C9: variants seen among roughly 807,000 people sequenced by gnomAD.
C9 encodes the protein complement component C9.
In C9, 63 loss-of-function variants were observed where a neutral mutation model predicts 65.4. The ratio of observed to expected loss-of-function variants is 0.96; its 90% confidence interval spans 0.79 to 1.19. The LOEUF (loss-of-function observed/expected upper bound fraction) is 1.19. Among genes scored for constraint, C9 ranks in the 50% most tolerant of loss-of-function variants. C9 has a pLI of 0.00. For synonymous variants in C9, 229 were observed against 227.9 expected, an observed-to-expected ratio of 1.00 and a Z score of -0.04; for missense variants, 744 against 670.1, an observed-to-expected ratio of 1.11 and a Z score of -1.22.
rs189922213 is a variant in C9 at position 39,328,343 on chromosome 5, C to T, written c.615+3333G>A. 6.3e-3 allele frequency among the ~76,000 whole-genome samples: 961 copies of T among 152,232 alleles called. 10 individuals are homozygous for T. Among genetic ancestry groups the T allele is most frequent in the African/African-American group, 0.021 (874 of 41,532 alleles). On this transcript the variant is annotated intron_variant, in intron 5 of 10. Coordinates refer to ENST00000263408, the MANE Select transcript of C9 (RefSeq NM_001737.5). The stretch of plus-strand genomic sequence containing the variant: ...AAGAGTAAGAGGCTTGAGGGTGTTG[C>T]TGAAAGATTGAGCCTGCTCATGTGA...
chr5:39,358,405 AAG>A (rs1338798827), intron 1 of C9, among the ~76,000 whole-genome samples: 6 of 152,168 alleles, frequency 3.9e-5, no homozygotes, highest in African/African-American at 1.2e-4. Flanking sequence ...GTGAGCCAAA[AAG>A]AGAGTGCAAA....
chr5:39,291,596 T>C (rs926808940), intron 9 of C9, among the ~76,000 whole-genome samples: 1 of 151,690 alleles, frequency 6.6e-6, no homozygotes, highest in African/African-American at 2.4e-5. Context: ...TGAAAAATAA[T>C]TTTGCAGCTA....
At chr5:39,308,647 A>G (rs1753422439) in intron 7 of C9, among the ~76,000 whole-genome samples, 1 of 152,194 alleles carries the variant, frequency 6.6e-6, no homozygotes, top group African/African-American at 2.4e-5. Flanking sequence ...TATCTGTAAT[A>G]TCATAGAAAA....
In C9 at chr5:39,288,850, A is replaced by C; in HGVS notation, c.1518T>G (p.Ser506Arg). ...RAIEDYINEF[S>R]VRKCHTCQNG... ...TTTGGCATGTGTGGCATTTTCTTAC[A>C]CTAAATTCATTGATATAGTCTTCAA... Residue 506 changes from serine (S) to arginine (R), a missense_variant, in exon 10 of 11, where the codon AGT becomes AGG. Transcript: ENST00000263408. The C allele has an allele frequency of 6.2e-7, 1 of 1,611,028 alleles. No homozygotes were observed.
intron 5 of C9, among the ~76,000 whole-genome samples, chr5:39,317,346 G>A (rs970557831): frequency 6.6e-6 from 1 of 152,110 alleles, no homozygotes; most frequent in Admixed American, 6.5e-5. Flanking sequence ...AAGCTCTTTA[G>A]TTTAACTGGA....
intron 5 of C9, among the ~76,000 whole-genome samples, chr5:39,316,990 T>C (rs1753579895): frequency 6.6e-6 from 1 of 152,184 alleles, no homozygotes; most frequent in Non-Finnish European, 1.5e-5. Context: ...CCTTTTCCTC[T>C]ATAACCTTGC....
rs1754579670 is a variant in C9 at position 39,364,419 on chromosome 5, T to C, written c.46A>G (p.Ile16Val). 2 of 1,609,698 alleles carry C rather than the reference T, an allele frequency of 1.2e-6. No homozygotes were observed. The highest frequency in any genetic ancestry group is 1.7e-6 in the Non-Finnish European group (2 of 1,176,132). Reference protein sequence around the residue: ...SFAVAICILEISILTAQYTTS... With the variant: ...SFAVAICILEVSILTAQYTTS... ...GTGTACTGTGCTGTGAGGATGCTTA[T>C]TTCTAAAATGCAGATTGCAACTGCA... Residue 16 changes from isoleucine (I) to valine (V), a missense_variant, in exon 1 of 11, where the codon ATA (isoleucine) becomes GTA (valine). Ile to Val is a conservative substitution (Grantham distance 29). Transcript: ENST00000263408.
At position 39,327,745 on chromosome 5, in the gene C9, T is replaced by C. The variant is rs763654500; in HGVS notation, c.615+3931A>G. ...CAGAATAGAGTGAAAACTGAAGCCA[T>C]AGGAGAAGAGGAAAAGGAAATCACT... is the stretch of plus-strand genomic sequence containing the variant. On this transcript the variant is annotated intron_variant, in intron 5 of 10. Transcript: ENST00000263408. Among the ~76,000 whole-genome samples the C allele has an allele frequency of 1.1e-4, 17 of 152,114 alleles. No individual in the cohort carries two copies. The East Asian group carries it at 3.3e-3, about 29-fold the overall frequency.
At chr5:39,334,045 A>G (rs1397816770) in intron 4 of C9, among the ~76,000 whole-genome samples, 6 of 148,082 alleles carry the variant, frequency 4.1e-5, no homozygotes, top group African/African-American at 1.0e-4. Context: ...CCGTCTGGGA[A>G]GTGAGGAGCG....
At chr5:39,353,157 G>A (rs957424565) in intron 1 of C9, among the ~76,000 whole-genome samples, 1 of 152,214 alleles carries the variant, frequency 6.6e-6, no homozygotes, top group South Asian at 2.1e-4. Context: ...AGCACAGGCA[G>A]CTGTAGAATC....
At chr5:39,354,356 T>C (rs1754377822) in intron 1 of C9, among the ~76,000 whole-genome samples, 1 of 152,168 alleles carries the variant, frequency 6.6e-6, no homozygotes. Flanking sequence ...AAATAGGAAT[T>C]GTAAAATTGT....
chr5:39,349,048 G>C (rs835205), intron 1 of C9, among the ~76,000 whole-genome samples: 1 of 151,128 alleles, frequency 6.6e-6, no homozygotes, highest in African/African-American at 2.5e-5. Flanking sequence ...GGGAAGGAAC[G>C]CATTAGGAGA....
chr5:39,354,306 G>T (rs1353998305), intron 1 of C9, among the ~76,000 whole-genome samples: 3 of 152,142 alleles, frequency 2.0e-5, no homozygotes, highest in Non-Finnish European at 4.4e-5. Context: ...ATAGCAGTGG[G>T]TCTCAATACC....
chr5:39,327,833 C>G (rs1753777166), intron 5 of C9, among the ~76,000 whole-genome samples: 1 of 152,122 alleles, frequency 6.6e-6, no homozygotes, highest in Admixed American at 6.6e-5. Context: ...GAGTTCAATA[C>G]TATTTAAGGA....
At chr5:39,349,194 A>C (rs1167359051) in intron 1 of C9, among the ~76,000 whole-genome samples, 3 of 151,658 alleles carry the variant, frequency 2.0e-5, no homozygotes, top group East Asian at 1.9e-4. Context: ...AAAAAAAAAA[A>C]ACACAGAAAA....
chr5:39,337,748 A>G (rs546131749), intron 4 of C9, among the ~76,000 whole-genome samples: 1 of 152,364 alleles, frequency 6.6e-6, no homozygotes, highest in African/African-American at 2.4e-5. Context: ...ACACTTCTGG[A>G]GAATCTCAGA....
chr5:39,329,266 T>C (rs1753803705), intron 5 of C9, among the ~76,000 whole-genome samples: 1 of 152,218 alleles, frequency 6.6e-6, no homozygotes, highest in Non-Finnish European at 1.5e-5. Flanking sequence ...CCACTAATTA[T>C]GTACCTAGCT....
chr5:39,357,685 G>T (rs1278269660), intron 1 of C9, among the ~76,000 whole-genome samples: 1 of 152,150 alleles, frequency 6.6e-6, no homozygotes, highest in Non-Finnish European at 1.5e-5. Flanking sequence ...GGGAGGGAGG[G>T]CAGTGAAAGA....
At chr5:39,334,477 G>A (rs1753917606) in intron 4 of C9, among the ~76,000 whole-genome samples, 1 of 150,584 alleles carries the variant, frequency 6.6e-6, no homozygotes, top group African/African-American at 2.5e-5. Flanking sequence ...TCTGGGAAGT[G>A]AGGAGCGTCT....
Sources: allele counts gnomAD v4.1 joint callset (sites outside exome capture counted in the v4.1 genomes callset), GRCh38; gene constraint gnomAD v4.1.1; transcripts MANE v1.5; gene names NCBI Gene and HGNC (gene_info 2026-07-23, HGNC 2026-07-21).